The following SLC25A42 variants were observed in gnomAD, a reference collection of about 807,000 sequenced individuals.
SLC25A42 encodes the protein mitochondrial coenzyme A transporter SLC25A42.
In SLC25A42, 19 loss-of-function variants were observed where a neutral mutation model predicts 34.7. The ratio of observed to expected loss-of-function variants is 0.55; its 90% CI spans 0.38 to 0.80. SLC25A42 has a LOEUF of 0.80. Among genes scored for constraint, SLC25A42 ranks in the 30% least tolerant of loss-of-function variants. The probability of loss-of-function intolerance (pLI) is 0.00; values close to 1 mark genes in which losing one functional copy is unlikely to be tolerated. For missense variants in SLC25A42, 364 were observed against 441.3 expected (o/e 0.82, Z 1.57); for synonymous variants, 205 against 191.2 (o/e 1.07, Z -0.59).
chr19:19,093,061 C>T (rs1013214620), intron 1 of SLC25A42, among the ~76,000 whole-genome samples: 17 of 152,284 alleles, frequency 1.1e-4, no homozygotes, highest in Admixed American at 3.3e-4. Context: ...TGCTCTGTCA[C>T]CTGCGCTGGA....
intron 1 of SLC25A42, among the ~76,000 whole-genome samples, chr19:19,073,661 G>A (rs1365010112): frequency 1.3e-5 from 2 of 150,828 alleles, no homozygotes; most frequent in Non-Finnish European, 1.5e-5. Flanking sequence ...TGCAACCTCC[G>A]TCTCCTAGGT....
At position 19,111,316 on chromosome 19, in the gene SLC25A42, G is replaced by A. The variant is rs1599695923; in HGVS notation, c.*440G>A. Reference sequence around the variant, plus strand: ...GTGCCTGCCCGGCCTCCAGGGTGCGGGGGCGCCTTTCTTGCAGGCGGACCC... The same window carrying A: ...GTGCCTGCCCGGCCTCCAGGGTGCGAGGGCGCCTTTCTTGCAGGCGGACCC... On this transcript the variant is annotated 3_prime_UTR_variant, in exon 8 of 8. Coordinates refer to ENST00000318596, the MANE Select transcript of SLC25A42 (RefSeq NM_178526.5). The A allele has an allele frequency of 5.7e-6, 1 of 176,958 alleles. No homozygotes were observed. The highest frequency in any genetic ancestry group is 1.2e-4 in the South Asian group (1 of 8,214). 11.0% of individuals were successfully genotyped at this position (176,958 alleles called of 1,614,324 possible).
intron 2 of SLC25A42, 140 bp downstream of exon 2, chr19:19,096,345 G>T: frequency 1.6e-6 from 1 of 644,776 alleles, no homozygotes. Flanking sequence ...TGTGCTCCAT[G>T]CAGCCCATCA....
intron 1 of SLC25A42, among the ~76,000 whole-genome samples, chr19:19,068,228 G>A (rs1053179268): frequency 4.0e-5 from 6 of 151,688 alleles, no homozygotes; most frequent in Non-Finnish European, 7.4e-5. Flanking sequence ...AGTGGCATGC[G>A]CCTGTAATCC....
In SLC25A42 at chr19:19,103,057, T is replaced by A. The variant is rs549662464; in HGVS notation, c.187+1171T>A. ...ATCACGTGGCCTTCTCCCCTGTGTGTCTGTTTTCTCTCTCTCTCTTTTATT... is the reference window on the plus strand; with the variant it reads ...ATCACGTGGCCTTCTCCCCTGTGTGACTGTTTTCTCTCTCTCTCTTTTATT... On this transcript the variant is annotated intron_variant, in intron 3 of 7. Transcript: ENST00000318596. 4.6e-5 allele frequency among the ~76,000 whole-genome samples: 7 copies of A among 152,218 alleles called. No individual in the cohort carries two copies. In the South Asian group the frequency reaches 1.5e-3, roughly 32 times the overall value.
chr19:19,068,030 T>C (rs1440621089), intron 1 of SLC25A42, among the ~76,000 whole-genome samples: 1 of 151,928 alleles, frequency 6.6e-6, no homozygotes, highest in African/African-American at 2.4e-5. Context: ...TGCATTTGCA[T>C]TTTTTATTTT....
intron 2 of SLC25A42, among the ~76,000 whole-genome samples, chr19:19,098,726 C>T (rs558629054): frequency 6.6e-6 from 1 of 152,304 alleles, no homozygotes; most frequent in Admixed American, 6.5e-5. Flanking sequence ...TCGAGACCAG[C>T]CTGGGCAACG....
Position 19,105,660 on chromosome 19 carries a change from G to T in SLC25A42, c.313G>T (p.Ala105Ser), listed in dbSNP as rs531748523. The stretch of plus-strand genomic sequence containing the variant: ...CATGGTGCGCGTGGTGCCCTACGCC[G>T]CCATCCAGTTCAGCGCACACGAGGA... ...ATMVRVVPYA[A>S]IQFSAHEEYK... The change falls in exon 5 of 8, where the codon GCC becomes TCC. Residue 105 changes from alanine (A) to serine (S), a missense_variant. Ala to Ser is a moderately conservative substitution (Grantham distance 99, BLOSUM62 1). Coordinates refer to ENST00000318596, the MANE Select transcript of SLC25A42 (RefSeq NM_178526.5). 56 of 1,612,946 alleles carry T rather than the reference G, an allele frequency of 3.5e-5. 1 individual carries two copies. The South Asian group carries it at 6.0e-4, about 17-fold the overall frequency.
chr19:19,093,901 C>T (rs1263336464), intron 1 of SLC25A42, among the ~76,000 whole-genome samples: 1 of 152,222 alleles, frequency 6.6e-6, no homozygotes, highest in African/African-American at 2.4e-5. Flanking sequence ...TGGTCTTAAA[C>T]TCCTGAGCTC....
In SLC25A42 at chr19:19,105,700, T is replaced by A; in HGVS notation, c.353T>A (p.Leu118Gln). Residue 118 changes from leucine (L) to glutamine (Q), a missense_variant, in exon 5 of 8, where the codon CTG (leucine) becomes CAG (glutamine). By Grantham distance (113) the Leu-to-Gln change is moderately radical. Coordinates refer to ENST00000318596, the MANE Select transcript of SLC25A42 (RefSeq NM_178526.5). ...GCACACGAGGAGTACAAGCGCATCC[T>A]GGGCAGCTACTATGGCTTCCGTGGA... ...FSAHEEYKRI[L>Q]GSYYGFRGEA... 1 of 1,602,120 alleles carries A rather than the reference T, an allele frequency of 6.2e-7. No individual in the cohort carries two copies. Among genetic ancestry groups the A allele is most frequent in the Non-Finnish European group, 8.5e-7 (1 of 1,173,208 alleles).
chr19:19,090,990 C>T (rs7260123), intron 1 of SLC25A42, among the ~76,000 whole-genome samples: 2,733 of 152,292 alleles, frequency 0.018, 87 homozygotes, highest in African/African-American at 0.063. Flanking sequence ...GCAGCAAACA[C>T]GGCTCACTCC....
chr19:19,110,620 C>T lies in SLC25A42; in HGVS notation c.701C>T (p.Ala234Val). 2 of 1,512,028 alleles carry T rather than the reference C, an allele frequency of 1.3e-6. No homozygotes were observed. The highest frequency in any genetic ancestry group is 1.8e-6 in the Non-Finnish European group (2 of 1,133,004). 93.7% of individuals were successfully genotyped at this position (1,512,028 alleles called of 1,614,324 possible). The change falls in exon 8 of 8, where the codon GCC becomes GTC. Residue 234 changes from alanine (A) to valine (V), a missense_variant. Coordinates refer to ENST00000318596, the MANE Select transcript of SLC25A42 (RefSeq NM_178526.5). Reference protein sequence around the residue: ...PYPFERMIFGACAGLIGQSAS... With the variant: ...PYPFERMIFGVCAGLIGQSAS... ...CCCTTCGAGCGCATGATCTTCGGCG[C>T]CTGCGCTGGCCTCATCGGGCAGTCG...
At chr19:19,098,855 C>T (rs554868313) in intron 2 of SLC25A42, among the ~76,000 whole-genome samples, 13 of 151,668 alleles carry the variant, frequency 8.6e-5, no homozygotes, top group African/African-American at 2.9e-4. Context: ...ACCCAGGAGG[C>T]AGAGGTTGCA....
intron 3 of SLC25A42, among the ~76,000 whole-genome samples, chr19:19,103,034 C>A (rs1307346358): frequency 6.6e-6 from 1 of 152,120 alleles, no homozygotes; most frequent in Non-Finnish European, 1.5e-5. Flanking sequence ...CCTCTGTCAT[C>A]ACGTGGCCTT....
rs1355661844 is a variant in SLC25A42, at chr19:19,109,460, T to C, written c.650-1109T>C. Among the ~76,000 whole-genome samples the C allele has an allele frequency of 6.6e-6, 1 of 152,176 alleles. No individual in the cohort carries two copies. Among genetic ancestry groups the C allele is most frequent in the Non-Finnish European group, 1.5e-5 (1 of 68,028 alleles). ...CTGGCTGTTTTTTTGAGACGGAGTC[T>C]CACTCTGCCGCCCAGGCTGGAGTGC... On this transcript the variant is annotated intron_variant, in intron 7 of 7. Transcript: ENST00000318596. This position sits in a 1 kb window ranked among gnomAD's most constrained non-coding sequence, Gnocchi z 4.1.
intron 1 of SLC25A42, among the ~76,000 whole-genome samples, chr19:19,069,602 T>C (rs2059619049): frequency 6.6e-6 from 1 of 152,212 alleles, no homozygotes; most frequent in African/African-American, 2.4e-5. Flanking sequence ...CTCCAGTCTC[T>C]GCCTTTGTAT....
rs1443111938 is a variant in SLC25A42 at position 19,110,651 on chromosome 19, G to A, written c.732G>A (p.Ser244=). 2 of 1,552,308 alleles carry A rather than the reference G, an allele frequency of 1.3e-6. No individual in the cohort carries two copies. Among genetic ancestry groups the A allele is most frequent in the South Asian group, 1.2e-5 (1 of 85,268 alleles). ...ACAGLIGQSA[S]YPLDVVRRRM... ...CTGGCCTCATCGGGCAGTCGGCCTC[G>A]TACCCGCTGGATGTGGTGCGGCGGC... The change falls in exon 8 of 8, where the codon TCG becomes TCA. Residue 244 remains serine, a synonymous_variant. Transcript: ENST00000318596.
intron 7 of SLC25A42, among the ~76,000 whole-genome samples, chr19:19,108,451 C>T (rs1287847994): frequency 1.3e-5 from 2 of 151,436 alleles, no homozygotes; most frequent in African/African-American, 2.4e-5. Flanking sequence ...AGAGAGGCTG[C>T]GGTGGGAGGA....
At chr19:19,069,012 G>A (rs571271104) in intron 1 of SLC25A42, among the ~76,000 whole-genome samples, 2 of 138,582 alleles carry the variant, frequency 1.4e-5, no homozygotes, top group East Asian at 4.4e-4. Flanking sequence ...GGGTGACAGT[G>A]AGGTTCTGTC....
Sources: gnomAD v4.1 joint callset for allele counts (sites outside exome capture counted in the v4.1 genomes callset) on GRCh38, gnomAD v4.1.1 for gene constraint, Gnocchi (gnomAD v3.1) non-coding constraint, MANE v1.5 for transcripts, NCBI Gene and HGNC (gene_info 2026-07-23, HGNC 2026-07-21) for gene names.